The following KDM6A variants were observed in gnomAD, a reference collection of about 807,000 sequenced individuals.
KDM6A encodes lysine-specific demethylase 6A.
A neutral mutation model predicts 117.6 loss-of-function variants in KDM6A; 11 were observed. The observed-to-expected ratio is 0.09, with a 90% CI of 0.06 to 0.15. KDM6A has a LOEUF of 0.15. KDM6A is among the 10% of genes least tolerant of loss of function. KDM6A has a pLI of 1.00. For synonymous variants in KDM6A, 384 were observed against 396.1 expected (o/e 0.97, Z 0.36); for missense variants, 799 against 1,077.3 (o/e 0.74, Z 3.62).
At chrX:44,993,120 G>A (rs1418795449) in intron 4 of KDM6A, among the ~76,000 whole-genome samples, 3 of 111,691 alleles carry the variant, frequency 2.7e-5, no homozygotes, top group African/African-American at 9.8e-5. Flanking sequence ...AAAACTTGCA[G>A]AAATGGGGTT....
chrX:45,047,679 T>C (rs1198045690), intron 8 of KDM6A, among the ~76,000 whole-genome samples: 4 of 45,682 alleles, frequency 8.8e-5, no homozygotes, highest in African/African-American at 5.5e-4. Flanking sequence ...TTTTTCTTTT[T>C]TTTTTTTTTT....
chrX:44,988,311 G>A lies in KDM6A; in HGVS notation c.384+13596G>A, dbSNP rs746522789. Among the ~76,000 whole-genome samples the A allele has an allele frequency of 6.0e-3, 657 of 110,301 alleles. 8 individuals carry two copies. The highest frequency in any genetic ancestry group is 0.021 in the African/African-American group (627 of 30,150). On this transcript the variant is annotated intron_variant, in intron 4 of 29. Transcript: ENST00000611820. ...GGTTATTCTAGTTAGCCATTCATCTGATTTTTTTTTTGAAGGTTTTTAACT... is the reference window on the plus strand; with the variant it reads ...GGTTATTCTAGTTAGCCATTCATCTAATTTTTTTTTTGAAGGTTTTTAACT...
chrX:44,891,020 TTCTAGTTGGATTTTTTTTTTAA>T (rs1157381889), intron 2 of KDM6A, among the ~76,000 whole-genome samples: 3 of 110,903 alleles, frequency 2.7e-5, no homozygotes, highest in Non-Finnish European at 5.7e-5. Flanking sequence ...TTTGCACATT[TTCTAGTTGGATTTTTTTTTTAA>T]CTGTTCAGTT....
At chrX:45,025,386 C>G (rs183558384) in intron 6 of KDM6A, among the ~76,000 whole-genome samples, 1 of 112,287 alleles carries the variant, frequency 8.9e-6, no homozygotes, top group African/African-American at 3.2e-5. Context: ...TGGTCTCGAA[C>G]TTCTGACCTC....
At chrX:44,876,830 C>G (rs1569322207) in intron 2 of KDM6A, among the ~76,000 whole-genome samples, 1 of 110,717 alleles carries the variant, frequency 9.0e-6, no homozygotes, top group Non-Finnish European at 1.9e-5. Flanking sequence ...TTAAATATGT[C>G]TCTTACTTGT....
intron 5 of KDM6A, among the ~76,000 whole-genome samples, chrX:45,018,075 G>A (rs1171670435): frequency 2.7e-5 from 3 of 111,490 alleles, no homozygotes; most frequent in Non-Finnish European, 5.7e-5. Context: ...AAGAAATGGA[G>A]TTGAATAAGT....
intron 27 of KDM6A, among the ~76,000 whole-genome samples, chrX:45,097,457 A>G (rs186622567): frequency 1.8e-5 from 2 of 111,605 alleles, no homozygotes; most frequent in Admixed American, 1.9e-4. Flanking sequence ...GAACGAACAT[A>G]TTAGTATTTC....
chrX:44,982,525 G>A (rs1201629205), intron 4 of KDM6A, among the ~76,000 whole-genome samples: 2 of 111,671 alleles, frequency 1.8e-5, no homozygotes, highest in African/African-American at 6.5e-5. Context: ...TATGGTTTTT[G>A]CCATTACTGC....
At chrX:44,957,173 T>C (rs1466563033) in intron 2 of KDM6A, among the ~76,000 whole-genome samples, 1 of 111,432 alleles carries the variant, frequency 9.0e-6, no homozygotes, top group Non-Finnish European at 1.9e-5. Flanking sequence ...TAGGCAGGAC[T>C]GCATATTTGT....
At chrX:44,975,271 A>G (rs2039560581) in intron 4 of KDM6A, among the ~76,000 whole-genome samples, 1 of 111,048 alleles carries the variant, frequency 9.0e-6, no homozygotes, top group African/African-American at 3.3e-5. Context: ...GATCTTTTAC[A>G]TCATGTTTAC....
chrX:44,897,132 T>G (rs1236181840), intron 2 of KDM6A, among the ~76,000 whole-genome samples: 4 of 105,271 alleles, frequency 3.8e-5, no homozygotes, highest in Non-Finnish European at 7.8e-5. Context: ...TCCCTGAGGC[T>G]TTGTTCTTTT....
At chrX:44,984,882 C>A (rs1310639302) in intron 4 of KDM6A, among the ~76,000 whole-genome samples, 1 of 111,428 alleles carries the variant, frequency 9.0e-6, no homozygotes, top group African/African-American at 3.3e-5. Flanking sequence ...TTAGGATTGA[C>A]TTGGCAACGC....
At position 45,089,733 on chromosome X, in the gene KDM6A, C is replaced by A. The variant is rs764244020; in HGVS notation, c.3705-10C>A. On this transcript the variant is annotated splice_polypyrimidine_tract_variant and intron_variant, in intron 25 of 29. Transcript: ENST00000611820. The stretch of plus-strand genomic sequence containing the variant: ...GTTGATCCATTTGCATTATTTTTTT[C>A]TTATTTCAGAAATAATTTGAATTTC... 6.0e-6 allele frequency: 7 copies of A among 1,173,810 alleles called. No individual in the cohort carries two copies. The South Asian group carries it at 1.3e-4, about 21-fold the overall frequency.
Position 44,992,556 on chromosome X carries a change from C to CTT in KDM6A, c.384+17852_384+17853dup, listed in dbSNP as rs1322557806. On this transcript the variant is annotated intron_variant, in intron 4 of 29. Transcript: ENST00000611820. ...TGCTTTTTATTCCTTCAAAGATGCA[C>CTT]TTTTTTTTTTTTGAGATGGAATCTC... is the stretch of plus-strand genomic sequence containing the variant. Among the ~76,000 whole-genome samples, 3 of 98,208 alleles carry CTT rather than the reference C, an allele frequency of 3.1e-5. No homozygotes were observed. The East Asian group carries it at 9.8e-4, about 32-fold the overall frequency. 85.3% of individuals were successfully genotyped at this position (98,208 alleles called of 115,157 possible).
At chrX:44,969,414 T>A (rs1445999907) in intron 3 of KDM6A, among the ~76,000 whole-genome samples, 1 of 67,644 alleles carries the variant, frequency 1.5e-5, no homozygotes, top group African/African-American at 7.0e-5. Flanking sequence ...TTTTTATCTT[T>A]TTTTTTTTTT....
chrX:44,940,586 A>C (rs1274024496), intron 2 of KDM6A, among the ~76,000 whole-genome samples: 1 of 111,779 alleles, frequency 8.9e-6, no homozygotes, highest in Non-Finnish European at 1.9e-5. Flanking sequence ...ATTTTTGAGA[A>C]GATGTCTTCT....
At chrX:44,893,857 A>C (rs1038639916) in intron 2 of KDM6A, among the ~76,000 whole-genome samples, 3 of 111,351 alleles carry the variant, frequency 2.7e-5, no homozygotes, top group Non-Finnish European at 5.6e-5. Flanking sequence ...TCTTGAATAG[A>C]GGTTGGGTTT....
Position 44,963,483 on chromosome X carries a change from G to GTGTGTGTGTGTGTCTGTC in KDM6A, c.334+2094_334+2095insGTGTGTGTGTCTGTCTGT, listed in dbSNP as rs1481840859. ...TGTGTGTGTGTGTGTGTGTGTGTGT[G>GTGTGTGTGTGTGTCTGTC]TGTCTGTCTGTCTGTCTCTGTCTGT... On this transcript the variant is annotated intron_variant, in intron 3 of 29. Coordinates refer to ENST00000611820, the MANE Select transcript of KDM6A (RefSeq NM_001291415.2). Among the ~76,000 whole-genome samples the GTGTGTGTGTGTGTCTGTC allele has an allele frequency of 5.4e-3, 222 of 40,862 alleles. 3 individuals carry two copies. Among genetic ancestry groups the GTGTGTGTGTGTGTCTGTC allele is most frequent in the African/African-American group, 0.015 (201 of 13,236 alleles). 35.5% of individuals were successfully genotyped at this position (40,862 alleles called of 115,157 possible).
intron 2 of KDM6A, among the ~76,000 whole-genome samples, chrX:44,919,340 T>C (rs1337402251): frequency 9.0e-6 from 1 of 111,130 alleles, no homozygotes. Context: ...TTGATGACCT[T>C]AGTTTTGAGG....
Sources: allele counts gnomAD v4.1 joint callset (sites outside exome capture counted in the v4.1 genomes callset), GRCh38; gene constraint gnomAD v4.1.1; transcripts MANE v1.5; gene names NCBI Gene and HGNC (gene_info 2026-07-23, HGNC 2026-07-21).